Variants in KIFC3 observed in about 807,000 individuals in gnomAD.
KIFC3 encodes kinesin-like protein KIFC3.
A neutral mutation model predicts 101.8 loss-of-function variants in KIFC3; 60 were observed. The observed-to-expected ratio is 0.59, with a 90% confidence interval of 0.48 to 0.73. The LOEUF (loss-of-function observed/expected upper bound fraction) is 0.73, where lower values mean the gene tolerates loss of function less well. KIFC3 is among the 30% of genes least tolerant of loss of function. The pLI is 0.00. For missense variants in KIFC3, 966 were observed against 1,137.1 expected, an observed-to-expected ratio of 0.85 and a Z score of 2.16; for synonymous variants, 476 against 482.7, an observed-to-expected ratio of 0.99 and a Z score of 0.18.
chr16:57,785,026 A>C (rs1295380485), intron 3 of KIFC3, among the ~76,000 whole-genome samples: 1 of 152,220 alleles, frequency 6.6e-6, no homozygotes, highest in Non-Finnish European at 1.5e-5. Flanking sequence ...CAAAAGAACA[A>C]GAAACGTCAT....
chr16:57,766,998 G>A lies in KIFC3; in HGVS notation c.1219-13C>T. 3 of 1,585,804 alleles carry A rather than the reference G, an allele frequency of 1.9e-6. No homozygotes were observed. Among genetic ancestry groups the A allele is most frequent in the South Asian group, 1.1e-5 (1 of 90,500 alleles). ...TGGCCTGGCCTATCTGGTGGGGGGTGCACACCACTGTCAGGGGGACGGCTC... is the reference window on the plus strand; with the variant it reads ...TGGCCTGGCCTATCTGGTGGGGGGTACACACCACTGTCAGGGGGACGGCTC... On this transcript the variant is annotated splice_polypyrimidine_tract_variant and intron_variant, in intron 9 of 19. Transcript: ENST00000445690.
chr16:57,801,810 G>C (rs1478782322), intron 1 of KIFC3, among the ~76,000 whole-genome samples: 1 of 152,276 alleles, frequency 6.6e-6, no homozygotes, highest in Non-Finnish European at 1.5e-5. Context: ...GGGTGGTCCT[G>C]GGATCGCCCT....
intron 2 of KIFC3, 39 bp from the exon 3 acceptor site, chr16:57,795,180 A>G: frequency 6.3e-7 from 1 of 1,596,666 alleles, no homozygotes; most frequent in Non-Finnish European, 8.5e-7. Context: ...CACTCCGACC[A>G]CTGGCCAAAG....
chr16:57,775,862 C>T (rs782563403), intron 3 of KIFC3: 34 of 985,438 alleles, frequency 3.5e-5, no homozygotes, highest in South Asian at 4.7e-5. Flanking sequence ...TGGGGCTGTG[C>T]GACACTCCTC....
At chr16:57,774,910 G>A in intron 3 of KIFC3, 1 of 1,448,190 alleles carries the variant, frequency 6.9e-7, no homozygotes, top group Non-Finnish European at 9.1e-7. Context: ...TCAAAAGGTT[G>A]AAGTCTCCTT....
At position 57,780,448 on chromosome 16, in the gene KIFC3, T is replaced by G. The variant is rs534098105; in HGVS notation, c.316-8160A>C. Among the ~76,000 whole-genome samples the G allele has an allele frequency of 5.2e-3, 785 of 151,492 alleles. 2 individuals carry two copies. Among genetic ancestry groups the G allele is most frequent in the Non-Finnish European group, 8.4e-3 (573 of 67,862 alleles). On this transcript the variant is annotated intron_variant, in intron 3 of 19. Coordinates refer to ENST00000445690, the MANE Select transcript of KIFC3 (RefSeq NM_001130100.2). ...ATTCCTTGAACTCAGGAGGCAGAGG[T>G]TGCAGTGAGCCGAGATCATGCCACT...
chr16:57,761,320 G>A, intron 14 of KIFC3, 93 bp downstream of exon 14: 2 of 1,580,816 alleles, frequency 1.3e-6, no homozygotes, highest in Non-Finnish European at 1.7e-6. Flanking sequence ...CTTGCCCAAG[G>A]GTGCGTGCTT....
intron 2 of KIFC3, 130 bp from the exon 3 acceptor site, chr16:57,795,271 G>A: frequency 8.7e-7 from 1 of 1,151,016 alleles, no homozygotes; most frequent in Non-Finnish European, 1.2e-6. Flanking sequence ...ATGTGGCCAG[G>A]AGGGGCTCAC....
At chr16:57,820,441 A>AT (rs2055325887) in intron 1 of KIFC3, among the ~76,000 whole-genome samples, 1 of 151,834 alleles carries the variant, frequency 6.6e-6, no homozygotes, top group Admixed American at 6.6e-5. Flanking sequence ...CACTCGGCTA[A>AT]TTTTTTTATT....
chr16:57,807,934 A>AAAAAAC (rs1454717019), upstream of KIFC3: 87 of 20,988 alleles, frequency 4.1e-3, 2 homozygotes, highest in African/African-American at 6.4e-3. Flanking sequence ...TGTCTTAAAA[A>AAAAAAC]AAAAAAAAAA....
Position 57,798,224 on chromosome 16 carries a change from G to T in KIFC3, c.20C>A (p.Thr7Lys), listed in dbSNP as rs200050225. The part of the protein sequence containing the change: MVPSRR[T>K]WNLGATPSLR... ...CGAGGGCGTGGCTCCCAGGTTCCAC[G>T]TCCTGCGAGAGGGGACCATGGCCTG... is the stretch of plus-strand genomic sequence containing the variant. The change falls in exon 2 of 20, where the codon ACG becomes AAG. Residue 7 changes from threonine (T) to lysine (K), a missense_variant. By Grantham distance (78) the Thr-to-Lys change is moderately conservative (BLOSUM62 -1). This residue lies in a region of KIFC3 where 277 missense variants were observed against 252.5 expected (regional missense o/e 1.10). Coordinates refer to ENST00000445690, the MANE Select transcript of KIFC3 (RefSeq NM_001130100.2). 1 of 1,550,502 alleles carries T rather than the reference G, an allele frequency of 6.4e-7. No homozygotes were observed. The highest frequency in any genetic ancestry group is 1.2e-5 in the South Asian group (1 of 84,192).
chr16:57,792,717 CTACAAAAAT>C (rs1458127375), intron 3 of KIFC3, among the ~76,000 whole-genome samples: 3 of 151,468 alleles, frequency 2.0e-5, no homozygotes, highest in African/African-American at 4.9e-5. Flanking sequence ...ACCTCCGTCT[CTACAAAAAT>C]TACAAAAATT....
Position 57,774,961 on chromosome 16 carries a change from T to A in KIFC3, c.316-2673A>T, listed in dbSNP as rs1284697020. 49 of 1,520,070 alleles carry A rather than the reference T, an allele frequency of 3.2e-5. No individual in the cohort carries two copies. In the Admixed American group the frequency reaches 3.4e-4, roughly 10 times the overall value. 94.2% of individuals were successfully genotyped at this position (1,520,070 alleles called of 1,614,324 possible). A position where few individuals can be genotyped will look rare whatever the true frequency, so the allele number is the denominator to read the frequency against. ...CCCCAGAAAGGCTGCTGCCTCAGCA[T>A]GGGGCTGGGCGCACTAACCTTGATC... is the stretch of plus-strand genomic sequence containing the variant. On this transcript the variant is annotated intron_variant, in intron 3 of 19. Transcript: ENST00000445690.
At chr16:57,774,709 G>A in intron 3 of KIFC3, 1 of 378,812 alleles carries the variant, frequency 2.6e-6, no homozygotes, top group Non-Finnish European at 4.6e-6. Context: ...TTTTTTTAAT[G>A]TATAGAAGGG....
intron 1 of KIFC3, among the ~76,000 whole-genome samples, chr16:57,861,083 CT>C (rs1253184719): frequency 2.0e-5 from 3 of 152,186 alleles, no homozygotes; most frequent in African/African-American, 7.2e-5. Context: ...ATTACAAAGA[CT>C]TTTGATCAGC....
chr16:57,817,508 A>G (rs2055254891), intron 1 of KIFC3, among the ~76,000 whole-genome samples: 1 of 152,168 alleles, frequency 6.6e-6, no homozygotes, highest in Non-Finnish European at 1.5e-5. Context: ...TTCCTCTTCC[A>G]GCTTCTGCTG....
At chr16:57,774,740 TG>T in intron 3 of KIFC3, 1 of 554,424 alleles carries the variant, frequency 1.8e-6, no homozygotes, top group Non-Finnish European at 2.8e-6. Flanking sequence ...TTGCCCAAGC[TG>T]GCCTTGAATT....
chr16:57,760,627 G>C (rs1262801695), intron 16 of KIFC3, 99 bp downstream of exon 16: 2 of 1,167,530 alleles, frequency 1.7e-6, no homozygotes, highest in Non-Finnish European at 2.5e-6. Context: ...AGGTCTAGGG[G>C]CGGGGAGGTC....
chr16:57,861,476 A>G (rs1441187864), intron 1 of KIFC3, among the ~76,000 whole-genome samples: 3 of 152,148 alleles, frequency 2.0e-5, no homozygotes, highest in African/African-American at 4.8e-5. Context: ...TAATTTGTTA[A>G]TTATCAATCT....
Sources: gnomAD v4.1 joint callset for allele counts (sites outside exome capture counted in the v4.1 genomes callset) on GRCh38, gnomAD v4.1.1 for gene constraint, gnomAD v4.1.1 regional missense constraint, MANE v1.5 for transcripts, NCBI Gene and HGNC (gene_info 2026-07-23, HGNC 2026-07-21) for gene names.